Variants in PLCL1 observed in about 807,000 individuals in gnomAD.
PLCL1 encodes the protein inactive phospholipase C-like protein 1.
A neutral mutation model predicts 84.4 loss-of-function variants in PLCL1; 41 were observed. The observed-to-expected ratio is 0.49, with a 90% CI of 0.38 to 0.63. The LOEUF (loss-of-function observed/expected upper bound fraction) is 0.63, where lower values mean the gene tolerates loss of function less well. Among genes scored for constraint, PLCL1 ranks in the 30% least tolerant of loss-of-function variants. PLCL1 has a pLI of 0.00. For synonymous variants in PLCL1, 490 were observed against 488.3 expected, an observed-to-expected ratio of 1.00 and a Z score of -0.05; for missense variants, 1,206 against 1,367.8, an observed-to-expected ratio of 0.88 and a Z score of 1.87.
rs575777270 is a variant in PLCL1, at chr2:197,904,562, T to A, written c.240+99223T>A. On this transcript the variant is annotated intron_variant, in intron 1 of 5. Transcript: ENST00000428675. ...AGTAGGGTGCCTACAGTATATGACT[T>A]TAACTCATTTCATGGCCTATTCTTG... Among the ~76,000 whole-genome samples, 25 of 152,276 alleles carry A rather than the reference T, an allele frequency of 1.6e-4. 1 individual carries two copies. The South Asian group carries it at 5.2e-3, about 32-fold the overall frequency.
intron 1 of PLCL1, among the ~76,000 whole-genome samples, chr2:197,867,801 G>A (rs1231379607): frequency 6.6e-6 from 1 of 152,082 alleles, no homozygotes; most frequent in Non-Finnish European, 1.5e-5. Context: ...CCAACCAGAC[G>A]TCCTTATCAG....
At chr2:197,894,844 C>G in intron 1 of PLCL1, among the ~76,000 whole-genome samples, 1 of 151,868 alleles carries the variant, frequency 6.6e-6, no homozygotes. Flanking sequence ...CCTCCTGAAC[C>G]ATGGTCCCTC....
At chr2:197,866,548 C>T (rs1327856765) in intron 1 of PLCL1, among the ~76,000 whole-genome samples, 1 of 152,094 alleles carries the variant, frequency 6.6e-6, no homozygotes, top group Non-Finnish European at 1.5e-5. Context: ...ATCTCAAATG[C>T]TGATTTGCCC....
rs113589408 is a variant in PLCL1 at position 197,988,640 on chromosome 2, T to C, written c.241-95118T>C. On this transcript the variant is annotated intron_variant, in intron 1 of 5. Coordinates refer to ENST00000428675, the MANE Select transcript of PLCL1 (RefSeq NM_006226.4). Reference sequence around the variant, plus strand: ...CTCATTGATTGATGGGAACTTAGCTTGGTTCCATATCTTTGCAATTGTGAA... The same window carrying C: ...CTCATTGATTGATGGGAACTTAGCTCGGTTCCATATCTTTGCAATTGTGAA... Among the ~76,000 whole-genome samples the C allele has an allele frequency of 9.3e-3, 1,411 of 152,336 alleles. 21 individuals are homozygous for C. The highest frequency in any genetic ancestry group is 0.032 in the African/African-American group (1,337 of 41,578).
At chr2:198,009,417 T>G (rs1690812649) in intron 1 of PLCL1, among the ~76,000 whole-genome samples, 1 of 152,030 alleles carries the variant, frequency 6.6e-6, no homozygotes, top group Admixed American at 6.6e-5. Flanking sequence ...ATCCTATTTT[T>G]CCAACACTAC....
intron 1 of PLCL1, among the ~76,000 whole-genome samples, chr2:197,843,282 T>A (rs943540612): frequency 1.3e-5 from 2 of 152,188 alleles, no homozygotes; most frequent in Non-Finnish European, 2.9e-5. Flanking sequence ...TTGCCCAGCG[T>A]TTGCCACATA....
chr2:198,032,752 A>C (rs1406915573), intron 1 of PLCL1, among the ~76,000 whole-genome samples: 1 of 152,222 alleles, frequency 6.6e-6, no homozygotes, highest in Admixed American at 6.5e-5. Flanking sequence ...CCTTAAGGTT[A>C]TAAGATCAAA....
chr2:197,806,777 C>T (rs971808451), intron 1 of PLCL1, among the ~76,000 whole-genome samples: 1 of 151,880 alleles, frequency 6.6e-6, no homozygotes, highest in Non-Finnish European at 1.5e-5. Flanking sequence ...ACATGGTGTC[C>T]TGTGTGTGTA....
chr2:198,062,290 A>G (rs1692222876), intron 1 of PLCL1, among the ~76,000 whole-genome samples: 1 of 152,170 alleles, frequency 6.6e-6, no homozygotes, highest in Non-Finnish European at 1.5e-5. Context: ...GGAGCTCCAA[A>G]TTTATACAAG....
intron 5 of PLCL1, among the ~76,000 whole-genome samples, chr2:198,131,256 T>C (rs1226342208): frequency 1.3e-5 from 2 of 152,176 alleles, no homozygotes; most frequent in East Asian, 3.9e-4. Context: ...ACTTCAGGTG[T>C]TTGCTCAGGT....
chr2:198,045,708 A>G (rs900681099), intron 1 of PLCL1, among the ~76,000 whole-genome samples: 10 of 152,214 alleles, frequency 6.6e-5, no homozygotes, highest in African/African-American at 2.4e-4. Context: ...GCTCTGCCAG[A>G]TTCATATGTT....
At chr2:197,913,255 G>A (rs2105748010) in intron 1 of PLCL1, among the ~76,000 whole-genome samples, 1 of 152,284 alleles carries the variant, frequency 6.6e-6, no homozygotes, top group South Asian at 2.1e-4. Flanking sequence ...AAACATATTT[G>A]GACTCCAAGG....
intron 1 of PLCL1, among the ~76,000 whole-genome samples, chr2:197,994,582 C>T (rs1690419011): frequency 6.6e-6 from 1 of 152,108 alleles, no homozygotes. Flanking sequence ...CTCATGAATT[C>T]CATGAAATTT....
intron 5 of PLCL1, among the ~76,000 whole-genome samples, chr2:198,124,552 G>C (rs1471870140): frequency 6.6e-6 from 1 of 151,980 alleles, no homozygotes; most frequent in Non-Finnish European, 1.5e-5. Context: ...CATAGTCCTG[G>C]GAAATTGGGA....
intron 1 of PLCL1, among the ~76,000 whole-genome samples, chr2:198,022,844 A>G (rs895340655): frequency 1.3e-5 from 2 of 152,246 alleles, no homozygotes; most frequent in Non-Finnish European, 2.9e-5. Flanking sequence ...TATAGATTCA[A>G]TGCTATTTCT....
chr2:198,076,803 C>T (rs1385469983), intron 1 of PLCL1, among the ~76,000 whole-genome samples: 1 of 152,214 alleles, frequency 6.6e-6, no homozygotes, highest in Non-Finnish European at 1.5e-5. Context: ...TAGTTGCAGA[C>T]TTCCCTTTTC....
chr2:198,105,639 T>TGTGTGTG (rs1553518571), intron 5 of PLCL1, among the ~76,000 whole-genome samples: 10 of 150,128 alleles, frequency 6.7e-5, no homozygotes, highest in South Asian at 2.1e-4. Flanking sequence ...TGTGTGTGTG[T>TGTGTGTG]TTACTCACAT....
intron 1 of PLCL1, among the ~76,000 whole-genome samples, chr2:197,974,000 G>A (rs906711587): frequency 5.9e-5 from 9 of 152,202 alleles, no homozygotes; most frequent in Non-Finnish European, 1.5e-5. Context: ...CAGTGGAGAA[G>A]GAGAGAAGTG....
chr2:197,995,350 A>G (rs1690435710), intron 1 of PLCL1, among the ~76,000 whole-genome samples: 1 of 152,060 alleles, frequency 6.6e-6, no homozygotes, highest in Non-Finnish European at 1.5e-5. Flanking sequence ...TGTCACAGGC[A>G]TTGTTCCAGG....
Sources: allele counts gnomAD v4.1 joint callset (sites outside exome capture counted in the v4.1 genomes callset), GRCh38; gene constraint gnomAD v4.1.1; transcripts MANE v1.5; gene names NCBI Gene and HGNC (gene_info 2026-07-23, HGNC 2026-07-21).